The following VWA8 variants were observed in gnomAD, a reference collection of about 807,000 sequenced individuals.
The protein encoded by VWA8 is von Willebrand factor A domain-containing protein 8.
VWA8 carries 221 observed loss-of-function variants against 241.5 expected under a neutral mutation model. The ratio of observed to expected loss-of-function variants is 0.91; its 90% CI spans 0.82 to 1.02. VWA8 has a LOEUF of 1.02. VWA8 is among the 50% of genes least tolerant of loss of function. The probability of loss-of-function intolerance (pLI) is 0.00; values close to 1 mark genes in which losing one functional copy is unlikely to be tolerated. For synonymous variants in VWA8, 852 were observed against 827.1 expected (o/e 1.03, Z -0.52); for missense variants, 2,322 against 2,328.7 (o/e 1.00, Z 0.06).
intron 37 of VWA8, among the ~76,000 whole-genome samples, chr13:41,650,063 G>A (rs1025955742): frequency 2.6e-5 from 4 of 151,808 alleles, no homozygotes; most frequent in East Asian, 1.9e-4. Context: ...AAGTTAATTC[G>A]GTAGCTCTTT....
Position 41,651,165 on chromosome 13 carries a change from C to CA in VWA8, c.4611+19780dup, listed in dbSNP as rs11330428. On this transcript the variant is annotated intron_variant, in intron 37 of 44. Coordinates refer to ENST00000379310, the MANE Select transcript of VWA8 (RefSeq NM_015058.2). ...GCCATCTGATCTTTGACAAAGCCAA[C>CA]AAAAAAAAAAGCAATGGGGAAAGGA... 9.0e-3 allele frequency among the ~76,000 whole-genome samples: 1,305 copies of CA among 144,904 alleles called. 11 individuals are homozygous for CA. Among genetic ancestry groups the CA allele is most frequent in the South Asian group, 0.042 (194 of 4,648 alleles).
At chr13:41,758,506 AATATATGGAATATAT>A (rs2045715926) in intron 21 of VWA8, among the ~76,000 whole-genome samples, 1 of 144,190 alleles carries the variant, frequency 6.9e-6, no homozygotes, top group East Asian at 2.0e-4. Context: ...ATATATATGG[AATATATGGAATATAT>A]ATATATGGAA....
At chr13:41,905,073 C>G (rs1434344281) in intron 4 of VWA8, 1 of 151,984 alleles carries the variant, frequency 6.6e-6, no homozygotes, top group Non-Finnish European at 1.5e-5. Context: ...TCGAAGTCAA[C>G]AAGATAGAAA....
chr13:41,616,181 T>C (rs2044619236), intron 37 of VWA8, among the ~76,000 whole-genome samples: 1 of 152,266 alleles, frequency 6.6e-6, no homozygotes, highest in African/African-American at 2.4e-5. Flanking sequence ...TGCAGTTAGG[T>C]AGGTAATTTG....
intron 17 of VWA8, among the ~76,000 whole-genome samples, chr13:41,788,450 T>TA (rs1869306595): frequency 6.6e-6 from 1 of 152,182 alleles, no homozygotes; most frequent in African/African-American, 2.4e-5. Context: ...CCTGTCCCTG[T>TA]AAAATTCCAG....
chr13:41,611,682 C>G lies in VWA8; in HGVS notation c.4771G>C (p.Asp1591His), dbSNP rs2044589777. 1 of 1,614,120 alleles carries G rather than the reference C, an allele frequency of 6.2e-7. No homozygotes were observed. Among genetic ancestry groups the G allele is most frequent in the Non-Finnish European group, 8.5e-7 (1 of 1,179,994 alleles). The change falls in exon 39 of 45, where the codon GAT (aspartate) becomes CAT (histidine). Residue 1591 changes from aspartate to histidine, a missense_variant. Asp to His is a moderately conservative substitution (Grantham distance 81). Coordinates refer to ENST00000379310, the MANE Select transcript of VWA8 (RefSeq NM_015058.2). ...ACCTGGTACACCGTATGGCCTGCAT[C>G]CAGCCGGTAAGGGCCTCCTTTGCCA... is the stretch of plus-strand genomic sequence containing the variant. ...LGGKGGPYRL[D>H]AGHTVYQVSQ...
chr13:41,568,185 G>A lies in VWA8; in HGVS notation c.*12C>T. The A allele has an allele frequency of 1.2e-6, 2 of 1,602,640 alleles. No homozygotes were observed. The highest frequency in any genetic ancestry group is 8.5e-7 in the Non-Finnish European group (1 of 1,169,702). On this transcript the variant is annotated 3_prime_UTR_variant, in exon 45 of 45. Coordinates refer to ENST00000379310, the MANE Select transcript of VWA8 (RefSeq NM_015058.2). ...CAAATCCTGGTGTCATCAGGGTGAT[G>A]AAGGGCACTTCTTAGACACTCGACA...
intron 43 of VWA8, among the ~76,000 whole-genome samples, chr13:41,573,248 A>AGAT (rs2044322354): frequency 6.6e-6 from 1 of 151,412 alleles, no homozygotes; most frequent in African/African-American, 2.4e-5. Context: ...TCTCTACTAA[A>AGAT]GATACAAAAC....
intron 16 of VWA8, among the ~76,000 whole-genome samples, chr13:41,813,044 G>C (rs1870539211): frequency 6.6e-6 from 1 of 152,126 alleles, no homozygotes; most frequent in Non-Finnish European, 1.5e-5. Context: ...GAGGAAATGA[G>C]ACCAGCTTTA....
chr13:41,864,654 T>C (rs1306875158), intron 12 of VWA8: 5 of 436,200 alleles, frequency 1.1e-5, no homozygotes, highest in Non-Finnish European at 2.3e-5. Flanking sequence ...GAAAGTAGAG[T>C]TTACCAGGGT....
At chr13:41,579,692 T>C (rs532674793) in intron 42 of VWA8, among the ~76,000 whole-genome samples, 4 of 152,362 alleles carry the variant, frequency 2.6e-5, no homozygotes, top group South Asian at 2.1e-4. Context: ...AGGGCTTCCA[T>C]ATATCTCATC....
At chr13:41,689,684 A>G (rs1225743316) in intron 33 of VWA8, among the ~76,000 whole-genome samples, 176 bp from the exon 34 acceptor site, 1 of 152,148 alleles carries the variant, frequency 6.6e-6, no homozygotes, top group Admixed American at 6.6e-5. Flanking sequence ...TAATCAAGGC[A>G]TCTTCCCAAA....
intron 9 of VWA8, among the ~76,000 whole-genome samples, chr13:41,878,372 G>T (rs1874003605): frequency 6.6e-6 from 1 of 150,842 alleles, no homozygotes; most frequent in South Asian, 2.1e-4. Flanking sequence ...AGACCACATA[G>T]ACTTCCCAGA....
At chr13:41,876,351 C>T (rs1180952806) in intron 9 of VWA8, among the ~76,000 whole-genome samples, 2 of 152,016 alleles carry the variant, frequency 1.3e-5, no homozygotes, top group Admixed American at 6.6e-5. Context: ...CTTTCTTTAC[C>T]TTCTGATTTC....
chr13:41,847,826 TA>T (rs1029884891), intron 12 of VWA8, among the ~76,000 whole-genome samples: 11 of 152,342 alleles, frequency 7.2e-5, no homozygotes, highest in African/African-American at 2.6e-4. Context: ...TTTACATTCT[TA>T]AGAGATCACT....
chr13:41,752,066 T>C (rs983793160), intron 21 of VWA8, among the ~76,000 whole-genome samples: 2 of 152,144 alleles, frequency 1.3e-5, no homozygotes, highest in Non-Finnish European at 2.9e-5. Flanking sequence ...ACCCTCCACA[T>C]AGTTATAAAG....
intron 26 of VWA8, among the ~76,000 whole-genome samples, chr13:41,709,565 G>C (rs1284839409): frequency 6.6e-6 from 1 of 152,072 alleles, no homozygotes; most frequent in African/African-American, 2.4e-5. Context: ...TTGCCAAAGG[G>C]CCTCTAATTT....
At chr13:41,647,456 GA>G (rs1200214104) in intron 37 of VWA8, among the ~76,000 whole-genome samples, 1 of 151,910 alleles carries the variant, frequency 6.6e-6, no homozygotes, top group Non-Finnish European at 1.5e-5. Context: ...AGACTTATTT[GA>G]AAAAAATAAA....
chr13:41,670,917 C>CT (rs2045017764), intron 37 of VWA8, 29 bp downstream of exon 37: 1 of 1,611,378 alleles, frequency 6.2e-7, no homozygotes. Flanking sequence ...ATGTGCACCT[C>CT]TAAGAGATAA....
Sources: gnomAD v4.1 joint callset for allele counts (sites outside exome capture counted in the v4.1 genomes callset) on GRCh38, gnomAD v4.1.1 for gene constraint, MANE v1.5 for transcripts, NCBI Gene and HGNC (gene_info 2026-07-23, HGNC 2026-07-21) for gene names.